Variants in SLC29A4 observed in about 807,000 individuals in gnomAD.
SLC29A4 encodes the protein equilibrative nucleoside transporter 4.
SLC29A4 carries 36 observed loss-of-function variants against 43.9 expected under a neutral mutation model. The ratio of observed to expected loss-of-function variants is 0.82; its 90% confidence interval spans 0.63 to 1.08. The LOEUF (loss-of-function observed/expected upper bound fraction) is 1.08, where lower values mean the gene tolerates loss of function less well. Among genes scored for constraint, SLC29A4 ranks in the 50% least tolerant of loss-of-function variants. The pLI, the probability that SLC29A4 is intolerant of heterozygous loss-of-function variation, is 0.00. For synonymous variants in SLC29A4, 491 were observed against 338.0 expected, an observed-to-expected ratio of 1.45 and a Z score of -4.97; for missense variants, 869 against 755.3, an observed-to-expected ratio of 1.15 and a Z score of -1.77.
rs370514826 is a variant in SLC29A4, at chr7:5,302,820, A to G, written c.1474A>G (p.Met492Val). Residue 492 changes from methionine (M) to valine (V), a missense_variant, in exon 11 of 11, where the codon ATG becomes GTG. By Grantham distance (21) the Met-to-Val change is conservative (BLOSUM62 1). Coordinates refer to ENST00000396872, the MANE Select transcript of SLC29A4 (RefSeq NM_153247.4). The stretch of plus-strand genomic sequence containing the variant: ...AGGGAACACCATGACCGTGTCCTAC[A>G]TGTCAGGGCTGACGCTGGGGTCCGC... ...LAGNTMTVSY[M>V]SGLTLGSAVA... The G allele has an allele frequency of 3.2e-6, 5 of 1,567,698 alleles. No homozygotes were observed. The African/African-American group carries it at 6.8e-5, about 21-fold the overall frequency.
chr7:5,283,399 C>A (rs1310326742), intron 1 of SLC29A4, among the ~76,000 whole-genome samples: 1 of 151,992 alleles, frequency 6.6e-6, no homozygotes, highest in Non-Finnish European at 1.5e-5. Context: ...GCCACCCCAT[C>A]GCTCCCCTGC....
At chr7:5,298,964 C>T (rs763132779) in intron 7 of SLC29A4, 24 bp from the exon 8 acceptor site, 20 of 1,602,418 alleles carry the variant, frequency 1.2e-5, no homozygotes, top group South Asian at 7.7e-5. Context: ...ACTCCAACCC[C>T]ATCCCACTCC....
At chr7:5,299,194 G>A in intron 8 of SLC29A4, 46 bp from the exon 9 acceptor site, 1 of 1,598,210 alleles carries the variant, frequency 6.3e-7, no homozygotes, top group Non-Finnish European at 8.5e-7. Flanking sequence ...AGGCAGGCAG[G>A]GGTCCCCGTG....
chr7:5,293,913 T>G (rs1304463979), intron 5 of SLC29A4, among the ~76,000 whole-genome samples: 1 of 152,132 alleles, frequency 6.6e-6, no homozygotes, highest in African/African-American at 2.4e-5. Flanking sequence ...GAGACCAGTC[T>G]GGCCAACATA....
At chr7:5,283,585 G>GC (rs1215959954) in intron 1 of SLC29A4, among the ~76,000 whole-genome samples, 2 of 152,222 alleles carry the variant, frequency 1.3e-5, no homozygotes. Flanking sequence ...GGCGACCCGG[G>GC]CCGGGGAGGG....
intron 10 of SLC29A4, among the ~76,000 whole-genome samples, chr7:5,301,634 G>T (rs1364218792): frequency 1.3e-5 from 2 of 152,226 alleles, no homozygotes; most frequent in Non-Finnish European, 2.9e-5. Flanking sequence ...TACTTCACCA[G>T]TCCAGGCCCT....
At chr7:5,293,078 C>T (rs554100795) in intron 5 of SLC29A4, among the ~76,000 whole-genome samples, 54 of 151,504 alleles carry the variant, frequency 3.6e-4, no homozygotes, top group Non-Finnish European at 5.6e-4. Flanking sequence ...TAATCCGGGA[C>T]GGTCCTTCAC....
rs542634852 is a variant in SLC29A4, at chr7:5,301,923, TAGGG to T, written c.1451-870_1451-867del. ...ATGGGACATCCCAAATTGTTCCTGA[TAGGG>T]AGGAAGCTGCAAGTCGGAGAGTGGA... On this transcript the variant is annotated intron_variant, in intron 10 of 10. Transcript: ENST00000396872. Among the ~76,000 whole-genome samples the T allele has an allele frequency of 2.1e-3, 318 of 152,208 alleles. 1 individual carries two copies. The highest frequency in any genetic ancestry group is 7.3e-3 in the African/African-American group (304 of 41,522).
intron 5 of SLC29A4, 40 bp from the exon 6 acceptor site, chr7:5,294,820 T>G: frequency 6.3e-7 from 1 of 1,591,486 alleles, no homozygotes; most frequent in Non-Finnish European, 8.6e-7. Context: ...TGACAGGTGA[T>G]AATGGTGCCT....
At chr7:5,302,720 G>A (rs557265631) in intron 10 of SLC29A4, 77 bp from the exon 11 acceptor site, 81 of 1,425,272 alleles carry the variant, frequency 5.7e-5, no homozygotes, top group African/African-American at 1.1e-4. Flanking sequence ...GGGTGTCACC[G>A]CACCTCACAC....
At chr7:5,285,227 G>C (rs1374431839) in intron 1 of SLC29A4, among the ~76,000 whole-genome samples, 2 of 152,170 alleles carry the variant, frequency 1.3e-5, no homozygotes, top group Admixed American at 6.5e-5. Flanking sequence ...TTCAAGCCCA[G>C]CCCAGCTCTG....
At chr7:5,283,240 C>CG (rs1163777919) in intron 1 of SLC29A4, among the ~76,000 whole-genome samples, 158 bp downstream of exon 1, 1 of 150,686 alleles carries the variant, frequency 6.6e-6, no homozygotes, top group Non-Finnish European at 1.5e-5. Context: ...CCACCCCGGC[C>CG]GCGTCCTGAG....
Position 5,303,297 on chromosome 7 carries a change from G to A in SLC29A4, c.*358G>A, listed in dbSNP as rs1172291929. The A allele has an allele frequency of 1.1e-5, 4 of 348,352 alleles. No individual in the cohort carries two copies. The highest frequency in any genetic ancestry group is 2.9e-5 in the South Asian group (1 of 34,224). 21.6% of individuals were successfully genotyped at this position (348,352 alleles called of 1,614,324 possible). A position where few individuals can be genotyped will look rare whatever the true frequency, so the allele number is the denominator to read the frequency against. ...CCCAGGACAGCAGACACCCGCCAGAGTGTGCGCGCCCAGTGACTGCACCCC... is the reference window on the plus strand; with the variant it reads ...CCCAGGACAGCAGACACCCGCCAGAATGTGCGCGCCCAGTGACTGCACCCC... On this transcript the variant is annotated 3_prime_UTR_variant, in exon 11 of 11. Coordinates refer to ENST00000396872, the MANE Select transcript of SLC29A4 (RefSeq NM_153247.4).
At chr7:5,285,727 A>G (rs967886047) in intron 1 of SLC29A4, among the ~76,000 whole-genome samples, 3 of 152,198 alleles carry the variant, frequency 2.0e-5, no homozygotes, top group African/African-American at 7.2e-5. Flanking sequence ...GAAAATCAGG[A>G]TGGGCTGAGC....
intron 6 of SLC29A4, 32 bp from the exon 7 acceptor site, chr7:5,296,904 T>C: frequency 6.9e-7 from 1 of 1,446,908 alleles, no homozygotes; most frequent in Non-Finnish European, 9.4e-7. Context: ...GCTGGGCGGA[T>C]CAGGCCCCGG....
intron 7 of SLC29A4, 23 bp downstream of exon 7, chr7:5,297,221 TG>T: frequency 6.5e-7 from 1 of 1,542,090 alleles, no homozygotes; most frequent in Non-Finnish European, 8.7e-7. Flanking sequence ...CGCCCACCTC[TG>T]TTCCCTTCTC....
At chr7:5,289,230 G>C (rs1465226490) in intron 2 of SLC29A4, among the ~76,000 whole-genome samples, 1 of 151,858 alleles carries the variant, frequency 6.6e-6, no homozygotes, top group Non-Finnish European at 1.5e-5. Context: ...AATCTCGTCT[G>C]TACAAAAAAT....
At chr7:5,300,253 G>A (rs945271750) in intron 9 of SLC29A4, among the ~76,000 whole-genome samples, 169 bp from the exon 10 acceptor site, 3 of 152,080 alleles carry the variant, frequency 2.0e-5, no homozygotes, top group Non-Finnish European at 4.4e-5. Context: ...AATGTAAGTG[G>A]AATTTGGGGG....
intron 3 of SLC29A4, 118 bp from the exon 4 acceptor site, chr7:5,291,006 T>G: frequency 6.6e-7 from 1 of 1,522,022 alleles, no homozygotes; most frequent in Admixed American, 1.8e-5. Context: ...CTGAGTGACC[T>G]CAGGGCAGCC....
Sources: gnomAD v4.1 joint callset for allele counts (sites outside exome capture counted in the v4.1 genomes callset) on GRCh38, gnomAD v4.1.1 for gene constraint, MANE v1.5 for transcripts, NCBI Gene and HGNC (gene_info 2026-07-23, HGNC 2026-07-21) for gene names.